Variants in RNF10 observed in about 807,000 individuals in gnomAD.
RNF10 encodes ring finger protein 10, also known as E3 ubiquitin-protein ligase RNF10.
Under a neutral mutation model 91.4 loss-of-function variants are expected in RNF10, and 38 were observed. That is an observed-to-expected ratio of 0.42 (90% CI 0.32 to 0.54). The LOEUF is 0.54. Ranked by LOEUF, RNF10 falls within the 20% of genes least tolerant of loss-of-function variation. The pLI is 0.16. For synonymous variants in RNF10, 364 were observed against 366.3 expected (o/e 0.99, Z 0.07); for missense variants, 945 against 1,012.0 (o/e 0.93, Z 0.90).
At chr12:120,560,643 G>C in intron 6 of RNF10, 83 bp from the exon 7 acceptor site, 1 of 1,342,162 alleles carries the variant, frequency 7.5e-7, no homozygotes, top group South Asian at 1.4e-5. Flanking sequence ...CAGAGAAAAG[G>C]CTGTATTTGA....
At position 120,552,718 on chromosome 12, in the gene RNF10, A is replaced by G; in HGVS notation, c.554+20A>G. ...GGCCAAGTGAGTATTGCTACCCCTC[A>G]GAGGAAAGGGAAAGTAGGACTCTCC... On this transcript the variant is annotated intron_variant, in intron 3 of 16. Coordinates refer to ENST00000325954, the MANE Select transcript of RNF10 (RefSeq NM_014868.5). 6.2e-7 allele frequency: 1 copy of G among 1,609,134 alleles called. No individual in the cohort carries two copies.
intron 12 of RNF10, among the ~76,000 whole-genome samples, chr12:120,565,929 T>TA (rs566610168): frequency 6.9e-4 from 105 of 152,322 alleles, no homozygotes; most frequent in Non-Finnish European, 1.1e-3. Flanking sequence ...GAAATTTTGA[T>TA]AGACTAGGAA....
intron 1 of RNF10, among the ~76,000 whole-genome samples, chr12:120,544,051 A>C (rs746846154): frequency 1.3e-5 from 2 of 151,866 alleles, no homozygotes; most frequent in Non-Finnish European, 2.9e-5. Context: ...AATGTGGCGA[A>C]ACTCCATCTC....
chr12:120,556,596 C>T lies in RNF10; in HGVS notation c.646-686C>T, dbSNP rs141693740. On this transcript the variant is annotated intron_variant, in intron 4 of 16. Coordinates refer to ENST00000325954, the MANE Select transcript of RNF10 (RefSeq NM_014868.5). ...CTACTGTGAAAATGTATAAAATCATCTGAGAATGACATAGCATAAAAACTT... is the reference window on the plus strand; with the variant it reads ...CTACTGTGAAAATGTATAAAATCATTTGAGAATGACATAGCATAAAAACTT... Among the ~76,000 whole-genome samples, 598 of 134,612 alleles carry T rather than the reference C, an allele frequency of 4.4e-3. 2 individuals carry two copies. The highest frequency in any genetic ancestry group is 0.016 in the African/African-American group (567 of 36,036). The allele number at this position is 134,612 out of a possible 152,430, so 88.3% of individuals were successfully genotyped here.
chr12:120,556,571 C>T (rs971978509), intron 4 of RNF10, among the ~76,000 whole-genome samples: 2 of 136,324 alleles, frequency 1.5e-5, no homozygotes, highest in Non-Finnish European at 3.1e-5. Context: ...TGAACTCTCA[C>T]TACTGTGAAA....
rs780710417 is a variant in RNF10 at position 120,575,691 on chromosome 12, G to A, written c.2200+3G>A. 7.4e-6 allele frequency: 12 copies of A among 1,614,106 alleles called. No individual in the cohort carries two copies. In the East Asian group the frequency reaches 1.1e-4, roughly 15 times the overall value. ...GCCCAAAACTGCTCCAAAGAAAGGT[G>A]AGGATGGTCCACTGGTGAAGGGGGA... On this transcript the variant is annotated splice_donor_region_variant and intron_variant, in intron 15 of 16. Coordinates refer to ENST00000325954, the MANE Select transcript of RNF10 (RefSeq NM_014868.5).
chr12:120,542,583 C>T (rs1024227801), intron 1 of RNF10, among the ~76,000 whole-genome samples: 1 of 152,132 alleles, frequency 6.6e-6, no homozygotes, highest in Non-Finnish European at 1.5e-5. Flanking sequence ...GACAGAGTCT[C>T]ACTCTGCTGC....
rs778733829 is a variant in RNF10, at chr12:120,565,110, A to G, written c.1704A>G (p.Pro568=). 1.2e-6 allele frequency: 2 copies of G among 1,613,912 alleles called. No homozygotes were observed. The highest frequency in any genetic ancestry group is 4.5e-5 in the East Asian group (2 of 44,878). Residue 568 remains proline, a synonymous_variant, in exon 11 of 17, where the codon CCA becomes CCG. Transcript: ENST00000325954. ...RQRHRYLSHL[P]LTCEFSICEL... ...GTCACAGATATCTCTCTCACTTGCC[A>G]CTCACCTGTGAGTTCAGCATCTGTG...
chr12:120,539,627 G>T (rs114853199), intron 1 of RNF10, among the ~76,000 whole-genome samples: 1,583 of 152,230 alleles, frequency 0.01, 29 homozygotes, highest in African/African-American at 0.036. Context: ...TTTGGTAATG[G>T]GGGGAGGCTG....
At chr12:120,545,559 G>C (rs1872205356) in intron 1 of RNF10, among the ~76,000 whole-genome samples, 1 of 149,342 alleles carries the variant, frequency 6.7e-6, no homozygotes, top group African/African-American at 2.5e-5. Flanking sequence ...ATTTTTTTTT[G>C]AGATAATCTT....
Position 120,545,492 on chromosome 12 carries a change from AT to A in RNF10, c.158-908del, listed in dbSNP as rs564604046. Reference sequence around the variant, plus strand: ...CAGGCATGAGCCACCGCGCCTGGCCATTTTTAAAAAGGATATGACTCAATCT... The same window carrying A: ...CAGGCATGAGCCACCGCGCCTGGCCATTTTAAAAAGGATATGACTCAATCT... On this transcript the variant is annotated intron_variant, in intron 1 of 16. Transcript: ENST00000325954. 1.8e-4 allele frequency among the ~76,000 whole-genome samples: 27 copies of A among 149,164 alleles called. 1 individual carries two copies. In the South Asian group the frequency reaches 5.8e-3, roughly 32 times the overall value.
chr12:120,562,460 G>C (rs1248997431), intron 7 of RNF10, among the ~76,000 whole-genome samples: 1 of 151,578 alleles, frequency 6.6e-6, no homozygotes, highest in Non-Finnish European at 1.5e-5. Context: ...TTTTAGTAGA[G>C]ATGGGGTTTC....
intron 13 of RNF10, among the ~76,000 whole-genome samples, chr12:120,569,499 CTG>C (rs1876274450): frequency 6.8e-6 from 1 of 147,236 alleles, no homozygotes; most frequent in African/African-American, 2.5e-5. Flanking sequence ...ATACGAAGGA[CTG>C]TGGCAGATCA....
chr12:120,559,962 G>T (rs1166157171), intron 6 of RNF10, among the ~76,000 whole-genome samples: 1 of 151,886 alleles, frequency 6.6e-6, no homozygotes, highest in Admixed American at 6.6e-5. Flanking sequence ...CTCCCAAAGT[G>T]CTGAACGTGA....
intron 13 of RNF10, among the ~76,000 whole-genome samples, chr12:120,570,551 A>G (rs1415326216): frequency 6.6e-6 from 1 of 152,152 alleles, no homozygotes; most frequent in African/African-American, 2.4e-5. Flanking sequence ...TAATAAGAGT[A>G]CTGACCATGT....
intron 1 of RNF10, among the ~76,000 whole-genome samples, chr12:120,535,845 CTG>C (rs781241339): frequency 2.6e-5 from 4 of 152,182 alleles, no homozygotes; most frequent in Non-Finnish European, 5.9e-5. Context: ...TCTGTTTTCA[CTG>C]TGCCAGTCAC....
chr12:120,549,824 T>G (rs1872781487), intron 2 of RNF10, among the ~76,000 whole-genome samples: 1 of 151,960 alleles, frequency 6.6e-6, no homozygotes, highest in Non-Finnish European at 1.5e-5. Flanking sequence ...AATAAAAATT[T>G]AAAAAAGGAA....
intron 13 of RNF10, among the ~76,000 whole-genome samples, chr12:120,567,736 G>A (rs971683632): frequency 2.0e-5 from 3 of 151,530 alleles, no homozygotes; most frequent in Non-Finnish European, 4.4e-5. Flanking sequence ...TGTTAAAGAA[G>A]GGAATGTAAT....
In RNF10 at chr12:120,552,698, A is replaced by G; in HGVS notation, c.554A>G (p.Asn185Ser). 6.2e-7 allele frequency: 1 copy of G among 1,613,564 alleles called. No individual in the cohort carries two copies. The highest frequency in any genetic ancestry group is 8.5e-7 in the Non-Finnish European group (1 of 1,179,824). The change falls in exon 3 of 17, where the codon AAC becomes AGC. Residue 185 changes from asparagine to serine, a missense_variant and splice_region_variant. Coordinates refer to ENST00000325954, the MANE Select transcript of RNF10 (RefSeq NM_014868.5). ...AACAAGGAACTCTTTTTACAGGCCAAGTGAGTATTGCTACCCCTCAGAGGA... is the reference window on the plus strand; with the variant it reads ...AACAAGGAACTCTTTTTACAGGCCAGGTGAGTATTGCTACCCCTCAGAGGA... ...PFNKELFLQA[N>S]CQFVVSEDQD...
Sources: gnomAD v4.1 joint callset for allele counts (sites outside exome capture counted in the v4.1 genomes callset) on GRCh38, gnomAD v4.1.1 for gene constraint, MANE v1.5 for transcripts, NCBI Gene and HGNC (gene_info 2026-07-23, HGNC 2026-07-21) for gene names.